The following CPA6 variants were observed in gnomAD, a reference collection of about 807,000 sequenced individuals.
CPA6 encodes carboxypeptidase A6, also known as carboxypeptidase B.
A neutral mutation model predicts 63.3 loss-of-function variants in CPA6; 58 were observed. That is an observed-to-expected ratio of 0.92 (90% CI 0.74 to 1.14). The LOEUF (loss-of-function observed/expected upper bound fraction) is 1.14, where lower values mean the gene tolerates loss of function less well. Among genes scored for constraint, CPA6 ranks in the 50% most tolerant of loss-of-function variants. CPA6 has a pLI of 0.00. For missense variants in CPA6, 565 were observed against 526.6 expected (o/e 1.07, Z -0.71); for synonymous variants, 185 against 179.0 (o/e 1.03, Z -0.27).
At chr8:67,569,154 C>T (rs960324884) in intron 2 of CPA6, among the ~76,000 whole-genome samples, 1 of 152,082 alleles carries the variant, frequency 6.6e-6, no homozygotes, top group Non-Finnish European at 1.5e-5. Context: ...AAATTCAACT[C>T]AAAGAGGAGT....
intron 2 of CPA6, among the ~76,000 whole-genome samples, chr8:67,552,221 T>A (rs1474058935): frequency 6.6e-6 from 1 of 152,212 alleles, no homozygotes; most frequent in African/African-American, 2.4e-5. Context: ...CATACACATC[T>A]AAGTAGATTG....
chr8:67,501,976 T>C (rs892698961), intron 6 of CPA6, among the ~76,000 whole-genome samples: 1 of 152,250 alleles, frequency 6.6e-6, no homozygotes, highest in African/African-American at 2.4e-5. Flanking sequence ...TAGTTGGTGT[T>C]GTTCAACTAA....
chr8:67,442,407 G>A (rs1810313815), intron 8 of CPA6, among the ~76,000 whole-genome samples: 1 of 152,016 alleles, frequency 6.6e-6, no homozygotes, highest in Non-Finnish European at 1.5e-5. Context: ...GATATATTTA[G>A]AAGACAGGGC....
At chr8:67,736,032 T>C (rs1054247150) in intron 1 of CPA6, among the ~76,000 whole-genome samples, 15 of 152,122 alleles carry the variant, frequency 9.9e-5, no homozygotes, top group African/African-American at 3.6e-4. Context: ...TCAGTGATGC[T>C]GGTGATCCCT....
chr8:67,641,583 G>A (rs983851267), intron 1 of CPA6, among the ~76,000 whole-genome samples: 1 of 152,208 alleles, frequency 6.6e-6, no homozygotes. Flanking sequence ...AAAGAGCAAA[G>A]TGTCATGTAA....
chr8:67,496,679 G>A (rs1811726401), intron 6 of CPA6, among the ~76,000 whole-genome samples: 1 of 151,226 alleles, frequency 6.6e-6, no homozygotes, highest in African/African-American at 2.4e-5. Context: ...TCCTGCCTCA[G>A]CCTCCACAGT....
At chr8:67,549,090 G>A (rs532590118) in intron 2 of CPA6, among the ~76,000 whole-genome samples, 4 of 152,136 alleles carry the variant, frequency 2.6e-5, no homozygotes, top group African/African-American at 9.6e-5. Context: ...ATGATGGAGT[G>A]GAGCATAATG....
chr8:67,590,578 C>T (rs1485320195), intron 2 of CPA6, among the ~76,000 whole-genome samples: 1 of 152,102 alleles, frequency 6.6e-6, no homozygotes, highest in Non-Finnish European at 1.5e-5. Context: ...TAATGATTGC[C>T]ATTCTAACTG....
chr8:67,698,700 G>A (rs546724488), intron 1 of CPA6, among the ~76,000 whole-genome samples: 1 of 152,222 alleles, frequency 6.6e-6, no homozygotes, highest in Admixed American at 6.5e-5. Flanking sequence ...GGATTTATAA[G>A]ATCCTTGAGA....
chr8:67,630,010 C>G, intron 1 of CPA6, among the ~76,000 whole-genome samples: 1 of 151,872 alleles, frequency 6.6e-6, no homozygotes, highest in East Asian at 1.9e-4. Context: ...GAGGCTGAGG[C>G]AGGAGAATGG....
At chr8:67,608,717 C>T (rs1369677685) in intron 2 of CPA6, among the ~76,000 whole-genome samples, 1 of 152,180 alleles carries the variant, frequency 6.6e-6, no homozygotes, top group Admixed American at 6.5e-5. Flanking sequence ...TGCCATGGGG[C>T]CGGAGCCCAA....
chr8:67,737,701 T>G (rs548351717), intron 1 of CPA6, among the ~76,000 whole-genome samples: 1 of 152,326 alleles, frequency 6.6e-6, no homozygotes, highest in Non-Finnish European at 1.5e-5. Context: ...CTGCAAATAT[T>G]TATAGACATG....
chr8:67,727,229 T>A (rs921911564), intron 1 of CPA6, among the ~76,000 whole-genome samples: 1 of 152,182 alleles, frequency 6.6e-6, no homozygotes, highest in Admixed American at 6.5e-5. Context: ...CCCCCAGATA[T>A]AGTTAACTAT....
At chr8:67,682,629 T>C (rs559204764) in intron 1 of CPA6, among the ~76,000 whole-genome samples, 2 of 152,358 alleles carry the variant, frequency 1.3e-5, no homozygotes, top group African/African-American at 4.8e-5. Flanking sequence ...TGTATTCTTA[T>C]ATTTCTGAGT....
rs149058545 is a variant in CPA6 at position 67,691,260 on chromosome 8, C to G, written c.116+54754G>C. 1.9e-3 allele frequency among the ~76,000 whole-genome samples: 297 copies of G among 152,326 alleles called. 3 individuals carry two copies. In the South Asian group the frequency reaches 0.029, roughly 15 times the overall value. On this transcript the variant is annotated intron_variant, in intron 1 of 10. Coordinates refer to ENST00000297770, the MANE Select transcript of CPA6 (RefSeq NM_020361.5). ...TTTATGTAAGCGCACAGCTCTACAC[C>G]TGTGATCGAGGTTGGTGGTGACTAT... is the stretch of plus-strand genomic sequence containing the variant.
chr8:67,473,162 GC>G (rs1198910238), intron 8 of CPA6, among the ~76,000 whole-genome samples: 2 of 152,154 alleles, frequency 1.3e-5, no homozygotes, highest in Admixed American at 6.5e-5. Flanking sequence ...GAAAAGGAAA[GC>G]TTTTTGTATT....
At chr8:67,633,902 C>T (rs1396906347) in intron 1 of CPA6, among the ~76,000 whole-genome samples, 1 of 84,188 alleles carries the variant, frequency 1.2e-5, no homozygotes, top group Non-Finnish European at 2.2e-5. Context: ...AAATGTTTTC[C>T]TCCTTCTTTC....
chr8:67,706,524 G>T (rs7817460), intron 1 of CPA6, among the ~76,000 whole-genome samples: 3,540 of 152,196 alleles, frequency 0.023, 165 homozygotes, highest in African/African-American at 0.081. Flanking sequence ...GGTCTAGAGG[G>T]TTAAAGGATC....
At chr8:67,679,919 C>T (rs1477051204) in intron 1 of CPA6, among the ~76,000 whole-genome samples, 2 of 152,148 alleles carry the variant, frequency 1.3e-5, no homozygotes, top group African/African-American at 4.8e-5. Context: ...ATGACATAGA[C>T]TTGGAGATAT....
Sources: allele counts gnomAD v4.1 joint callset (sites outside exome capture counted in the v4.1 genomes callset), GRCh38; gene constraint gnomAD v4.1.1; transcripts MANE v1.5; gene names NCBI Gene and HGNC (gene_info 2026-07-23, HGNC 2026-07-21).